The following ADARB2 variants were observed in gnomAD, a reference collection of about 807,000 sequenced individuals.
The protein encoded by ADARB2 is adenosine deaminase RNA specific B2 (inactive), also known as inactive double-stranded RNA-specific editase B2.
ADARB2 carries 25 observed loss-of-function variants against 62.2 expected under a neutral mutation model. The ratio of observed to expected loss-of-function variants is 0.40; its 90% CI spans 0.29 to 0.56. The LOEUF is 0.56. ADARB2 is among the 20% of genes least tolerant of loss of function. The probability of loss-of-function intolerance (pLI) is 0.43; values close to 1 mark genes in which losing one functional copy is unlikely to be tolerated. For synonymous variants in ADARB2, 572 were observed against 500.8 expected (o/e 1.14, Z -1.90); for missense variants, 1,071 against 1,077.4 (o/e 0.99, Z 0.08).
chr10:1,637,738 T>A (rs554278487), intron 1 of ADARB2, among the ~76,000 whole-genome samples: 1 of 152,330 alleles, frequency 6.6e-6, no homozygotes, highest in Non-Finnish European at 1.5e-5. Context: ...GATGTATTAA[T>A]CGCTCGCAAT....
chr10:1,305,172 AAAAG>A (rs1272788564), intron 3 of ADARB2, among the ~76,000 whole-genome samples: 72 of 145,912 alleles, frequency 4.9e-4, no homozygotes, highest in Non-Finnish European at 7.8e-4. Flanking sequence ...AATAAAGAAA[AAAAG>A]AGAGAAGAAT....
intron 1 of ADARB2, among the ~76,000 whole-genome samples, chr10:1,618,977 A>G (rs1260217535): frequency 6.6e-6 from 1 of 152,206 alleles, no homozygotes; most frequent in African/African-American, 2.4e-5. Context: ...CTGCGAAGGA[A>G]CTGTAGCTTC....
intron 4 of ADARB2, among the ~76,000 whole-genome samples, chr10:1,258,964 G>A (rs1831107002): frequency 6.6e-6 from 1 of 152,208 alleles, no homozygotes; most frequent in Non-Finnish European, 1.5e-5. Flanking sequence ...AGACCACAGT[G>A]CAATCAAACT....
At chr10:1,538,467 C>T (rs4253993) in intron 1 of ADARB2, among the ~76,000 whole-genome samples, 2 of 152,168 alleles carry the variant, frequency 1.3e-5, no homozygotes, top group East Asian at 1.9e-4. Flanking sequence ...ATCTGGTAGA[C>T]GAGAGAGAAG....
chr10:1,718,452 C>T (rs1356215322), intron 1 of ADARB2, among the ~76,000 whole-genome samples: 3 of 152,172 alleles, frequency 2.0e-5, no homozygotes, highest in Admixed American at 6.5e-5. Context: ...TGCTAGCCCC[C>T]AGGGCTGACC....
intron 6 of ADARB2, among the ~76,000 whole-genome samples, chr10:1,226,925 A>T (rs1830752760): frequency 1.3e-5 from 2 of 152,306 alleles, no homozygotes; most frequent in East Asian, 3.9e-4. Context: ...CTCTCTTCAA[A>T]GCTGTCAGAG....
At chr10:1,385,781 A>C (rs539094476) in intron 1 of ADARB2, among the ~76,000 whole-genome samples, 4 of 152,306 alleles carry the variant, frequency 2.6e-5, no homozygotes, top group African/African-American at 9.6e-5. Flanking sequence ...CACAGATCCA[A>C]GTATCTCAAT....
intron 8 of ADARB2, among the ~76,000 whole-genome samples, chr10:1,185,920 G>A (rs1836751562): frequency 6.6e-6 from 1 of 152,204 alleles, no homozygotes; most frequent in Non-Finnish European, 1.5e-5. Context: ...TGGGGGTGGT[G>A]CACTTTCTGG....
chr10:1,713,993 T>C (rs1054205675), intron 1 of ADARB2, among the ~76,000 whole-genome samples: 1 of 152,222 alleles, frequency 6.6e-6, no homozygotes, highest in Non-Finnish European at 1.5e-5. Context: ...ATAAAGAGAC[T>C]CTGTGTGTGA....
chr10:1,631,317 G>A (rs1166032388), intron 1 of ADARB2, among the ~76,000 whole-genome samples: 1 of 152,006 alleles, frequency 6.6e-6, no homozygotes, highest in Non-Finnish European at 1.5e-5. Context: ...AGACAGGCTG[G>A]ACGCGGCAGG....
intron 1 of ADARB2, among the ~76,000 whole-genome samples, chr10:1,687,009 C>T (rs1005432487): frequency 6.6e-6 from 1 of 151,312 alleles, no homozygotes; most frequent in South Asian, 2.1e-4. Context: ...CCTCTTGCCT[C>T]CCATGGGTCA....
At chr10:1,209,952 T>G (rs1837127145) in intron 7 of ADARB2, among the ~76,000 whole-genome samples, 1 of 152,242 alleles carries the variant, frequency 6.6e-6, no homozygotes, top group South Asian at 2.1e-4. Flanking sequence ...CACACTTTCA[T>G]ATTTTGCTGT....
rs1831423024 is a variant in ADARB2, at chr10:1,477,944, G to A, written c.101-98784C>T. 6.6e-6 allele frequency among the ~76,000 whole-genome samples: 1 copy of A among 152,200 alleles called. No individual in the cohort carries two copies. Among genetic ancestry groups the A allele is most frequent in the African/African-American group, 2.4e-5 (1 of 41,446 alleles). On this transcript the variant is annotated intron_variant, in intron 1 of 9. Transcript: ENST00000381312. The surrounding 1 kb of genome is among the most constrained non-coding windows in gnomAD (Gnocchi z 4.5). ...GAGCCCCTCTGCTGGAGGACTAAGA[G>A]GGTCCATGTGGGATCCTGTGATGCC...
chr10:1,656,252 A>G (rs2119079926), intron 1 of ADARB2, among the ~76,000 whole-genome samples: 1 of 152,348 alleles, frequency 6.6e-6, no homozygotes, highest in East Asian at 1.9e-4. Flanking sequence ...CCCTTGTGTT[A>G]GTAGAACAAT....
At chr10:1,327,452 C>CCAGCGCCTCCCCACTGCA (rs1564258376) in intron 3 of ADARB2, among the ~76,000 whole-genome samples, 3 of 9,262 alleles carry the variant, frequency 3.2e-4, no homozygotes, top group African/African-American at 4.4e-4. Context: ...TCCCCACGGC[C>CCAGCGCCTCCCCACTGCA]CAGCGCCTCC....
chr10:1,343,307 C>G (rs577054248), intron 3 of ADARB2, among the ~76,000 whole-genome samples: 3 of 152,252 alleles, frequency 2.0e-5, no homozygotes, highest in African/African-American at 7.2e-5. Flanking sequence ...ATCAAAACCA[C>G]AATGAGATAC....
chr10:1,503,519 T>A (rs1831793644), intron 1 of ADARB2, among the ~76,000 whole-genome samples: 1 of 152,104 alleles, frequency 6.6e-6, no homozygotes, highest in Non-Finnish European at 1.5e-5. Context: ...TGTGAGCCCT[T>A]CACATTCATT....
intron 1 of ADARB2, among the ~76,000 whole-genome samples, chr10:1,667,044 C>T (rs372863364): frequency 7.2e-5 from 11 of 152,224 alleles, no homozygotes; most frequent in South Asian, 4.1e-4. Flanking sequence ...ACATCTGTAA[C>T]GGCAGTTGAC....
intron 1 of ADARB2, among the ~76,000 whole-genome samples, chr10:1,666,432 G>A (rs1401135557): frequency 1.3e-5 from 2 of 152,224 alleles, no homozygotes; most frequent in East Asian, 1.9e-4. Flanking sequence ...ATGACCAGAC[G>A]CGGCTTTGCT....
Sources: allele counts gnomAD v4.1 joint callset (sites outside exome capture counted in the v4.1 genomes callset), GRCh38; gene constraint gnomAD v4.1.1; non-coding constraint Gnocchi (gnomAD v3.1); transcripts MANE v1.5; gene names NCBI Gene and HGNC (gene_info 2026-07-23, HGNC 2026-07-21).